The following SCRN3 variants were observed in gnomAD, a reference collection of about 807,000 sequenced individuals.
SCRN3 encodes the protein secernin 3.
Under a neutral mutation model 43.1 loss-of-function variants are expected in SCRN3, and 39 were observed. The observed-to-expected ratio is 0.91, with a 90% CI of 0.70 to 1.18. The LOEUF is 1.18. Among genes scored for constraint, SCRN3 ranks in the 50% most tolerant of loss-of-function variants. The pLI is 0.00. For synonymous variants in SCRN3, 147 were observed against 163.1 expected, an observed-to-expected ratio of 0.90 and a Z score of 0.75; for missense variants, 484 against 498.0, an observed-to-expected ratio of 0.97 and a Z score of 0.27.
Position 174,429,180 on chromosome 2 carries a change from T to C in SCRN3, c.*1285T>C, listed in dbSNP as rs1238469390. On this transcript the variant is annotated 3_prime_UTR_variant, in exon 8 of 8. Transcript: ENST00000272732. ...CAGTGATAGGCTGTCTTCTAACCCCTATACTCCTCTTCTCTCCTTTAATAG... is the reference window on the plus strand; with the variant it reads ...CAGTGATAGGCTGTCTTCTAACCCCCATACTCCTCTTCTCTCCTTTAATAG... The C allele has an allele frequency of 6.6e-6, 1 of 152,196 alleles. No individual in the cohort carries two copies. The highest frequency in any genetic ancestry group is 1.5e-5 in the Non-Finnish European group (1 of 68,038). The allele number at this position is 152,196 out of a possible 1,614,324, so 9.4% of individuals were successfully genotyped here.
chr2:174,404,388 A>G (rs1444770878), intron 5 of SCRN3, 73 bp downstream of exon 5: 2 of 988,762 alleles, frequency 2.0e-6, no homozygotes, highest in African/African-American at 1.6e-5. Flanking sequence ...GAATGATAAC[A>G]TCTGTTTTGG....
At chr2:174,417,592 A>AT (rs1686160173) in intron 5 of SCRN3, among the ~76,000 whole-genome samples, 1 of 152,050 alleles carries the variant, frequency 6.6e-6, no homozygotes, top group African/African-American at 2.4e-5. Context: ...ACAGGGTTTC[A>AT]TTTTGTTGGC....
chr2:174,409,116 C>G (rs1194030707), intron 5 of SCRN3, among the ~76,000 whole-genome samples: 1 of 120,846 alleles, frequency 8.3e-6, no homozygotes, highest in Non-Finnish European at 1.8e-5. Flanking sequence ...TAGATTTGGT[C>G]TTTTCACATA....
chr2:174,422,846 T>C lies in SCRN3; in HGVS notation c.755-39T>C, dbSNP rs1299078206. 2.2e-6 allele frequency: 3 copies of C among 1,349,666 alleles called. No individual in the cohort carries two copies. The African/African-American group carries it at 4.3e-5, about 19-fold the overall frequency. The allele number at this position is 1,349,666 out of a possible 1,614,324, so 83.6% of individuals were successfully genotyped here. A position where few individuals can be genotyped will look rare whatever the true frequency, so the allele number is the denominator to read the frequency against. ...TTCATATTTGCAAGGCATCCGTATA[T>C]GCATATGTATTTGATGATTTTAAAA... is the stretch of plus-strand genomic sequence containing the variant. On this transcript the variant is annotated intron_variant, in intron 5 of 7. Transcript: ENST00000272732.
rs1264157248 is a variant in SCRN3 at position 174,404,085 on chromosome 2, C to T, written c.542-18C>T. 6.3e-7 allele frequency: 1 copy of T among 1,593,840 alleles called. No individual in the cohort carries two copies. The highest frequency in any genetic ancestry group is 8.6e-7 in the Non-Finnish European group (1 of 1,162,212). ...TATGACTTTTCTTCTCCTTTCTCCT[C>T]TTCTTCTTTGAAAATAGAGGGAGTT... On this transcript the variant is annotated intron_variant, in intron 4 of 7. Coordinates refer to ENST00000272732, the MANE Select transcript of SCRN3 (RefSeq NM_024583.5).
intron 1 of SCRN3, 177 bp downstream of exon 1, chr2:174,395,994 T>G: frequency 1.0e-5 from 14 of 1,371,356 alleles, no homozygotes; most frequent in Non-Finnish European, 1.3e-5. Flanking sequence ...CCAAAGGTGC[T>G]TGAAGCTCGA....
chr2:174,402,833 C>T (rs1215973849), intron 4 of SCRN3, among the ~76,000 whole-genome samples: 2 of 152,176 alleles, frequency 1.3e-5, no homozygotes, highest in Non-Finnish European at 2.9e-5. Flanking sequence ...TTTTACTTGA[C>T]AGACTGTCAT....
chr2:174,400,469 A>T (rs1685470410), intron 3 of SCRN3, among the ~76,000 whole-genome samples: 1 of 151,952 alleles, frequency 6.6e-6, no homozygotes, highest in African/African-American at 2.4e-5. Flanking sequence ...AATTAAAAAA[A>T]ATTTTTTTTT....
At chr2:174,421,797 G>A (rs1443136576) in intron 5 of SCRN3, among the ~76,000 whole-genome samples, 3 of 152,262 alleles carry the variant, frequency 2.0e-5, no homozygotes, top group African/African-American at 7.2e-5. Flanking sequence ...AGACCCAGAC[G>A]AACACAGTAG....
At chr2:174,410,893 G>A (rs1375152282) in intron 5 of SCRN3, among the ~76,000 whole-genome samples, 11 of 151,924 alleles carry the variant, frequency 7.2e-5, no homozygotes, top group Admixed American at 7.2e-4. Flanking sequence ...TGAAGAGAGG[G>A]CCCACACAAT....
chr2:174,413,884 C>T (rs1165078729), intron 5 of SCRN3, among the ~76,000 whole-genome samples: 1 of 151,350 alleles, frequency 6.6e-6, no homozygotes, highest in Non-Finnish European at 1.5e-5. Flanking sequence ...AGCCACCGCA[C>T]CCAGCCTGCC....
intron 4 of SCRN3, among the ~76,000 whole-genome samples, chr2:174,402,353 C>G (rs1574646905): frequency 6.6e-6 from 1 of 152,092 alleles, no homozygotes; most frequent in South Asian, 2.1e-4. Flanking sequence ...TAACTAAGCC[C>G]AAGAACTAAA....
At chr2:174,414,291 C>T (rs1366136622) in intron 5 of SCRN3, among the ~76,000 whole-genome samples, 3 of 152,278 alleles carry the variant, frequency 2.0e-5, no homozygotes, top group South Asian at 4.1e-4. Context: ...TTCTAAAGTA[C>T]ACAAGATTAT....
chr2:174,417,057 CTA>C (rs1187836576), intron 5 of SCRN3, among the ~76,000 whole-genome samples: 1 of 152,134 alleles, frequency 6.6e-6, no homozygotes, highest in African/African-American at 2.4e-5. Flanking sequence ...GTTATCTAAA[CTA>C]TCTTTTTCCC....
In SCRN3 at chr2:174,428,074, GAA is replaced by G. The variant is rs1280863832; in HGVS notation, c.*182_*183del. 20 of 400,016 alleles carry G rather than the reference GAA, an allele frequency of 5.0e-5. No homozygotes were observed. The highest frequency in any genetic ancestry group is 3.5e-4 in the African/African-American group (17 of 48,856). The allele number at this position is 400,016 out of a possible 1,614,324, so 24.8% of individuals were successfully genotyped here. On this transcript the variant is annotated 3_prime_UTR_variant, in exon 8 of 8. Transcript: ENST00000272732. ...ACGTATAGTGTTGCTGAAATAGAAAGAAAACAGCATTGGAATTGGATTCATGT... is the reference window on the plus strand; with the variant it reads ...ACGTATAGTGTTGCTGAAATAGAAAGAACAGCATTGGAATTGGATTCATGT...
chr2:174,415,725 A>G (rs925485783), intron 5 of SCRN3, among the ~76,000 whole-genome samples: 1 of 152,162 alleles, frequency 6.6e-6, no homozygotes, highest in Non-Finnish European at 1.5e-5. Flanking sequence ...GCTCACTGCA[A>G]CCTCTGCCTC....
chr2:174,416,850 G>A (rs114613554), intron 5 of SCRN3, among the ~76,000 whole-genome samples: 3,191 of 152,082 alleles, frequency 0.021, 105 homozygotes, highest in African/African-American at 0.07. Context: ...GTGTTGTTTG[G>A]TGCTAATACA....
At chr2:174,396,274 C>A (rs971469624) in intron 1 of SCRN3, 28 of 990,840 alleles carry the variant, frequency 2.8e-5, no homozygotes, top group Non-Finnish European at 3.0e-5. Flanking sequence ...TATTGAATGA[C>A]GAATACGCGT....
In SCRN3 at chr2:174,398,409, T is replaced by A; in HGVS notation, c.126T>A (p.Ala42=). The A allele has an allele frequency of 6.2e-7, 1 of 1,601,572 alleles. No individual in the cohort carries two copies. Among genetic ancestry groups the A allele is most frequent in the South Asian group, 1.1e-5 (1 of 87,230 alleles). The change falls in exon 2 of 8, where the codon GCT becomes GCA. Residue 42 remains alanine (A), a synonymous_variant. Transcript: ENST00000272732. ...DEVQEVVYFP[A]VVHDNLGERL... is the part of the protein sequence containing the mutation. ...TACAAGAGGTGGTTTATTTTCCTGC[T>A]GTAGTTCATGATAACCTGGGAGAAC...
Sources: gnomAD v4.1 joint callset for allele counts (sites outside exome capture counted in the v4.1 genomes callset) on GRCh38, gnomAD v4.1.1 for gene constraint, MANE v1.5 for transcripts, NCBI Gene and HGNC (gene_info 2026-07-23, HGNC 2026-07-21) for gene names.